PPP1R12B: variants seen among roughly 807,000 people sequenced by gnomAD.
The protein encoded by PPP1R12B is protein phosphatase 1 regulatory subunit 12B.
In PPP1R12B, 76 loss-of-function variants were observed where a neutral mutation model predicts 126.1. The observed-to-expected ratio is 0.60, with a 90% CI of 0.50 to 0.73. The LOEUF is 0.73. Among genes scored for constraint, PPP1R12B ranks in the 30% least tolerant of loss-of-function variants. The probability of loss-of-function intolerance (pLI) is 0.00; values close to 1 mark genes in which losing one functional copy is unlikely to be tolerated. For synonymous variants in PPP1R12B, 356 were observed against 434.7 expected, an observed-to-expected ratio of 0.82 and a Z score of 2.25; for missense variants, 1,052 against 1,205.1, an observed-to-expected ratio of 0.87 and a Z score of 1.88.
At position 202,586,058 on chromosome 1, in the gene PPP1R12B, C is replaced by A. The variant is rs142898151; in HGVS notation, c.*5498C>A. The A allele has an allele frequency of 1.3e-5, 2 of 152,372 alleles. No individual in the cohort carries two copies. Among genetic ancestry groups the A allele is most frequent in the East Asian group, 1.9e-4 (1 of 5,196 alleles). 9.4% of individuals were successfully genotyped at this position (152,372 alleles called of 1,614,324 possible). On this transcript the variant is annotated 3_prime_UTR_variant, in exon 24 of 24. Transcript: ENST00000608999. ...AATTTTCCTCGACAAGAACCTCAAT[C>A]TTTAGTTCCATTGAGCTCCCCCTCT...
At chr1:202,512,291 G>A (rs1681618407) in intron 18 of PPP1R12B, among the ~76,000 whole-genome samples, 2 of 152,220 alleles carry the variant, frequency 1.3e-5, no homozygotes, top group South Asian at 4.1e-4. Context: ...AGCAATTAGA[G>A]CCTAGGGTCC....
intron 23 of PPP1R12B, chr1:202,576,994 C>T (rs188002570): frequency 6.6e-6 from 1 of 152,298 alleles, no homozygotes; most frequent in Non-Finnish European, 1.5e-5. Context: ...ATTTGTTAAG[C>T]ATGTGGCCCA....
At chr1:202,374,758 G>C (rs938053130) in intron 1 of PPP1R12B, among the ~76,000 whole-genome samples, 5 of 151,590 alleles carry the variant, frequency 3.3e-5, no homozygotes, top group African/African-American at 1.2e-4. Flanking sequence ...GCCTGGTCTC[G>C]AACTCCTGAG....
At chr1:202,422,173 T>C (rs1668883337) in intron 2 of PPP1R12B, among the ~76,000 whole-genome samples, 2 of 152,200 alleles carry the variant, frequency 1.3e-5, no homozygotes, top group South Asian at 4.1e-4. Context: ...AGATTTCATG[T>C]GGATGTCTGG....
At chr1:202,411,270 C>CAAA (rs771739035) in intron 1 of PPP1R12B, among the ~76,000 whole-genome samples, 1 of 59,536 alleles carries the variant, frequency 1.7e-5, no homozygotes. Context: ...CTTCTGGAGG[C>CAAA]AAAAAAAAAA....
chr1:202,439,838 C>T, intron 10 of PPP1R12B: 1 of 368,548 alleles, frequency 2.7e-6, no homozygotes. Flanking sequence ...CTGGGGCCAG[C>T]CTCAGTTTCT....
At chr1:202,471,357 T>A (rs930923254) in intron 13 of PPP1R12B, among the ~76,000 whole-genome samples, 6 of 151,968 alleles carry the variant, frequency 3.9e-5, no homozygotes, top group Admixed American at 2.6e-4. Context: ...TTTTTTTTTT[T>A]CTTCCCCTAA....
chr1:202,574,022 GA>G (rs1326826710), intron 23 of PPP1R12B, among the ~76,000 whole-genome samples: 1 of 152,106 alleles, frequency 6.6e-6, no homozygotes, highest in Non-Finnish European at 1.5e-5. Flanking sequence ...TTTGGATCCT[GA>G]AACAATCTCT....
At chr1:202,399,571 A>G (rs1374319857) in intron 1 of PPP1R12B, among the ~76,000 whole-genome samples, 1 of 150,360 alleles carries the variant, frequency 6.7e-6, no homozygotes, top group Non-Finnish European at 1.5e-5. Flanking sequence ...ATCTTGGCTC[A>G]CTGCAAGCTC....
intron 23 of PPP1R12B, among the ~76,000 whole-genome samples, chr1:202,569,574 G>C (rs1688397391): frequency 6.6e-6 from 1 of 152,210 alleles, no homozygotes; most frequent in Non-Finnish European, 1.5e-5. Flanking sequence ...TTGGGTGCCT[G>C]GGGAAGCCTG....
chr1:202,416,897 T>C lies in PPP1R12B; in HGVS notation c.402T>C (p.Cys134=). 1 of 1,614,054 alleles carries C rather than the reference T, an allele frequency of 6.2e-7. No homozygotes were observed. Among genetic ancestry groups the C allele is most frequent in the African/African-American group, 1.3e-5 (1 of 75,052 alleles). ...GWTPLHAAAS[C]GYLNIAEYFI... Reference sequence around the variant, plus strand: ...CACCCCTTCATGCAGCAGCTTCCTGTGGCTATCTCAACATAGCAGAGTGAG... The same window carrying C: ...CACCCCTTCATGCAGCAGCTTCCTGCGGCTATCTCAACATAGCAGAGTGAG... The change falls in exon 2 of 24, where the codon TGT becomes TGC. Residue 134 remains cysteine, a synonymous_variant. Transcript: ENST00000608999.
chr1:202,374,753 G>C (rs1410733074), intron 1 of PPP1R12B, among the ~76,000 whole-genome samples: 2 of 151,516 alleles, frequency 1.3e-5, no homozygotes, highest in African/African-American at 2.4e-5. Flanking sequence ...TGCCCGCCTG[G>C]TCTCGAACTC....
At position 202,348,789 on chromosome 1, in the gene PPP1R12B, A is replaced by C. The variant is rs1317499630; in HGVS notation, c.-63A>C. On this transcript the variant is annotated 5_prime_UTR_variant, in exon 1 of 24. Transcript: ENST00000608999. The stretch of plus-strand genomic sequence containing the variant: ...GCGCTCTGAGAGAGGCGGCAGCGGC[A>C]ACTCGAGCCCCAACAGTAATTTAGT... 76 of 1,522,784 alleles carry C rather than the reference A, an allele frequency of 5.0e-5. No individual in the cohort carries two copies. Among genetic ancestry groups the C allele is most frequent in the Non-Finnish European group, 6.4e-5 (73 of 1,140,360 alleles). 94.3% of individuals were successfully genotyped at this position (1,522,784 alleles called of 1,614,324 possible). A position where few individuals can be genotyped will look rare whatever the true frequency, so the allele number is the denominator to read the frequency against.
chr1:202,482,332 G>A (rs1463187173), intron 13 of PPP1R12B, among the ~76,000 whole-genome samples: 2 of 152,174 alleles, frequency 1.3e-5, no homozygotes, highest in East Asian at 1.9e-4. Flanking sequence ...CACAATGGCT[G>A]TACTAGCTTA....
intron 13 of PPP1R12B, among the ~76,000 whole-genome samples, chr1:202,458,064 C>T (rs1357823112): frequency 1.3e-5 from 2 of 151,890 alleles, no homozygotes; most frequent in Non-Finnish European, 2.9e-5. Flanking sequence ...GAGAGTGGGA[C>T]ATGGGAGTGG....
rs1690041747 is a variant in PPP1R12B at position 202,589,961 on chromosome 1, AGAG to A, written c.*9405_*9407del. 1 of 152,216 alleles carries A rather than the reference AGAG, an allele frequency of 6.6e-6. No individual in the cohort carries two copies. Among genetic ancestry groups the A allele is most frequent in the Admixed American group, 6.5e-5 (1 of 15,268 alleles). The allele number at this position is 152,216 out of a possible 1,614,324, so 9.4% of individuals were successfully genotyped here. On this transcript the variant is annotated 3_prime_UTR_variant, in exon 24 of 24. Coordinates refer to ENST00000608999, the MANE Select transcript of PPP1R12B (RefSeq NM_002481.4). ...GGTAGCTGCTGGTCTATCCTCAAGG[AGAG>A]GAGACAGGTGGAAGTGGGAACCGAA...
intron 13 of PPP1R12B, among the ~76,000 whole-genome samples, chr1:202,476,807 A>G (rs1021200607): frequency 6.6e-6 from 1 of 152,074 alleles, no homozygotes; most frequent in African/African-American, 2.4e-5. Context: ...TCTCTCCTCA[A>G]CAGATTTGAG....
chr1:202,382,482 T>A (rs1485655805), intron 1 of PPP1R12B, among the ~76,000 whole-genome samples: 4 of 141,244 alleles, frequency 2.8e-5, no homozygotes, highest in Non-Finnish European at 3.1e-5. Context: ...AAAATAAAAA[T>A]AAAAAGGCAA....
intron 1 of PPP1R12B, among the ~76,000 whole-genome samples, chr1:202,414,885 C>G (rs1571902761): frequency 6.6e-6 from 1 of 152,092 alleles, no homozygotes; most frequent in East Asian, 1.9e-4. Context: ...CAGGCTTAAG[C>G]CATCCTCCCA....
Sources: gnomAD v4.1 joint callset for allele counts (sites outside exome capture counted in the v4.1 genomes callset) on GRCh38, gnomAD v4.1.1 for gene constraint, MANE v1.5 for transcripts, NCBI Gene and HGNC (gene_info 2026-07-23, HGNC 2026-07-21) for gene names.